The following PRC1 variants were observed in gnomAD, a reference collection of about 807,000 sequenced individuals.
PRC1 encodes anaphase spindle elongation 1 homolog.
PRC1 carries 54 observed loss-of-function variants against 91.2 expected under a neutral mutation model. The observed-to-expected ratio is 0.59, with a 90% CI of 0.48 to 0.74. The LOEUF (loss-of-function observed/expected upper bound fraction) is 0.74. PRC1 is among the 30% of genes least tolerant of loss of function. PRC1 has a pLI of 0.00. For missense variants in PRC1, 727 were observed against 746.2 expected (o/e 0.97, Z 0.30); for synonymous variants, 275 against 263.6 (o/e 1.04, Z -0.42).
intron 3 of PRC1, among the ~76,000 whole-genome samples, chr15:90,982,400 C>T (rs763860131): frequency 6.6e-6 from 1 of 152,194 alleles, no homozygotes; most frequent in Admixed American, 6.6e-5. Flanking sequence ...AACCACCATT[C>T]TACCTTTTGT....
At chr15:90,980,840 T>G in intron 6 of PRC1, 44 bp downstream of exon 6, 2 of 1,612,672 alleles carry the variant, frequency 1.2e-6, no homozygotes, top group Non-Finnish European at 1.7e-6. Flanking sequence ...AACACAGAAG[T>G]GCTAAGAGAA....
Position 90,979,242 on chromosome 15 carries a change from TA to T in PRC1, c.1022del (p.Leu341Ter). On this transcript the variant is annotated frameshift_variant, in exon 8 of 15. Coordinates refer to ENST00000394249, the MANE Select transcript of PRC1 (RefSeq NM_003981.4). LOFTEE classifies it high-confidence loss of function. ...LQLHDAEIVR[L>X]KNYYEVHKEL... is the part of the protein sequence containing the mutation. ...CCTTGTGAACTTCATAGTAGTTTTT[TA>T]ACCGCACAATCTCAGCATCGTGGAG... 6.2e-7 allele frequency: 1 copy of T among 1,614,250 alleles called. No homozygotes were observed. The highest frequency in any genetic ancestry group is 8.5e-7 in the Non-Finnish European group (1 of 1,180,036).
rs747595877 is a variant in PRC1, at chr15:90,974,571, A to T, written c.1350+14T>A. ...CTTCGTCTTTTCCCAATTTGCGTTC[A>T]CGTTCACACTTACTCTTTCCTGCTT... On this transcript the variant is annotated intron_variant, in intron 10 of 14. Coordinates refer to ENST00000394249, the MANE Select transcript of PRC1 (RefSeq NM_003981.4). This position sits in a 1 kb window ranked among gnomAD's most constrained non-coding sequence, Gnocchi z 4.6. 2 of 1,613,996 alleles carry T rather than the reference A, an allele frequency of 1.2e-6. No individual in the cohort carries two copies. Among genetic ancestry groups the T allele is most frequent in the Non-Finnish European group, 1.7e-6 (2 of 1,179,994 alleles).
At position 90,979,140 on chromosome 15, in the gene PRC1, C is replaced by A; in HGVS notation, c.1107+18G>T. On this transcript the variant is annotated intron_variant, in intron 8 of 14. Transcript: ENST00000394249. ...CATGCTTTCTTAACAGTTAAAAACA[C>A]AAAAACTAGGACAATACCTCAAACT... 1 of 1,607,246 alleles carries A rather than the reference C, an allele frequency of 6.2e-7. No homozygotes were observed. Among genetic ancestry groups the A allele is most frequent in the Admixed American group, 1.7e-5 (1 of 57,802 alleles).
Position 90,990,985 on chromosome 15 carries a change from G to C in PRC1, c.11+3422C>G, listed in dbSNP as rs538369759. Among the ~76,000 whole-genome samples the C allele has an allele frequency of 1.1e-4, 17 of 151,394 alleles. No homozygotes were observed. In the South Asian group the frequency reaches 3.3e-3, roughly 30 times the overall value. ...GTAGAGACGGGGTTTCACCATGTTG[G>C]TCAGGCTGGTCTCAAACTCCTGACC... On this transcript the variant is annotated intron_variant, in intron 1 of 14. Transcript: ENST00000394249.
At position 90,966,792 on chromosome 15, in the gene PRC1, T is replaced by C. The variant is rs2037531509; in HGVS notation, c.*339A>G. 1 of 435,092 alleles carries C rather than the reference T, an allele frequency of 2.3e-6. No individual in the cohort carries two copies. The highest frequency in any genetic ancestry group is 2.0e-5 in the South Asian group (1 of 50,338). The allele number at this position is 435,092 out of a possible 1,614,324, so 27.0% of individuals were successfully genotyped here. Reference sequence around the variant, plus strand: ...AAATTACCCCCAGGGATGGGCATAGTCAATCATTTTCCTACAGTGGTGAAA... The same window carrying C: ...AAATTACCCCCAGGGATGGGCATAGCCAATCATTTTCCTACAGTGGTGAAA... On this transcript the variant is annotated 3_prime_UTR_variant, in exon 15 of 15. Transcript: ENST00000394249.
At chr15:90,983,931 C>T in intron 3 of PRC1, 87 bp downstream of exon 3, 1 of 1,521,778 alleles carries the variant, frequency 6.6e-7, no homozygotes, top group Non-Finnish European at 8.9e-7. Context: ...TACGAGGAAG[C>T]CTTCCATCTG....
At chr15:90,991,855 C>G (rs774374882) in intron 1 of PRC1, among the ~76,000 whole-genome samples, 3 of 152,080 alleles carry the variant, frequency 2.0e-5, no homozygotes, top group Non-Finnish European at 2.9e-5. Flanking sequence ...ACACAGGAGC[C>G]CCAAGTCCTA....
At chr15:90,972,240 G>A (rs1195047938) in intron 11 of PRC1, among the ~76,000 whole-genome samples, 2 of 149,380 alleles carry the variant, frequency 1.3e-5, no homozygotes, top group Non-Finnish European at 3.0e-5. Flanking sequence ...AAAATTAGCC[G>A]GGTATGGTGG....
In PRC1 at chr15:90,969,763, CATATATATATATATATATATATATATAT is replaced by C. The variant is rs61067469; in HGVS notation, c.1573-168_1573-141del. On this transcript the variant is annotated intron_variant, in intron 12 of 14. Transcript: ENST00000394249. Reference sequence around the variant, plus strand: ...CTATACTTTTTAGTTAAAAAAAAAACATATATATATATATATATATATATATATATATATATATGGGGCTGGGTGTGGC... The same window carrying C: ...CTATACTTTTTAGTTAAAAAAAAAACATATATATATGGGGCTGGGTGTGGC... 1.9e-4 allele frequency: 25 copies of C among 130,874 alleles called. 3 individuals are homozygous for C. Among genetic ancestry groups the C allele is most frequent in the East Asian group, 2.8e-4 (3 of 10,632 alleles). The allele number at this position is 130,874 out of a possible 1,614,324, so 8.1% of individuals were successfully genotyped here.
chr15:90,983,488 C>T (rs930839770), intron 3 of PRC1, among the ~76,000 whole-genome samples: 2 of 152,170 alleles, frequency 1.3e-5, no homozygotes, highest in Admixed American at 6.5e-5. Context: ...CAGCTCCATA[C>T]CCAGATGGAT....
At chr15:90,973,922 G>C (rs1009669525) in intron 11 of PRC1, 1 of 492,416 alleles carries the variant, frequency 2.0e-6, no homozygotes, top group African/African-American at 2.0e-5. Context: ...TCAAGAGACC[G>C]GTGCTGGTGC....
At chr15:90,978,206 A>G (rs1387832116) in intron 8 of PRC1, among the ~76,000 whole-genome samples, 7 of 152,218 alleles carry the variant, frequency 4.6e-5, no homozygotes, top group African/African-American at 1.4e-4. Flanking sequence ...AAAAGGAATC[A>G]ATACCCATGC....
At position 90,966,476 on chromosome 15, in the gene PRC1, T is replaced by G; in HGVS notation, c.*655A>C. 1 of 400,396 alleles carries G rather than the reference T, an allele frequency of 2.5e-6. No individual in the cohort carries two copies. Among genetic ancestry groups the G allele is most frequent in the Non-Finnish European group, 5.2e-6 (1 of 192,688 alleles). 24.8% of individuals were successfully genotyped at this position (400,396 alleles called of 1,614,324 possible). A position where few individuals can be genotyped will look rare whatever the true frequency, so the allele number is the denominator to read the frequency against. On this transcript the variant is annotated 3_prime_UTR_variant, in exon 15 of 15. Transcript: ENST00000394249. ...CAAGGGACAAACGCCGAGAAAGCGT[T>G]CCGACAAGCATGTGTGTTCATACAT...
Position 90,969,504 on chromosome 15 carries a change from G to A in PRC1, c.1692C>T (p.Ala564=). 1 of 1,612,902 alleles carries A rather than the reference G, an allele frequency of 6.2e-7. No individual in the cohort carries two copies. The highest frequency in any genetic ancestry group is 8.5e-7 in the Non-Finnish European group (1 of 1,179,316). Reference sequence around the variant, plus strand: ...TAATGCTGAAGTTGCGCTGGAGGGGGGCCGAGCCAGGGTACCCACCACTCA... The same window carrying A: ...TAATGCTGAAGTTGCGCTGGAGGGGAGCCGAGCCAGGGTACCCACCACTCA... The part of the protein sequence containing the change: ...SILSGGYPGS[A]PLQRNFSINS... The change falls in exon 13 of 15, where the codon GCC becomes GCT. Residue 564 remains alanine (A), a synonymous_variant. Transcript: ENST00000394249.
intron 1 of PRC1, among the ~76,000 whole-genome samples, chr15:90,993,097 A>T (rs2151640825): frequency 6.6e-6 from 1 of 150,900 alleles, no homozygotes; most frequent in African/African-American, 2.4e-5. Context: ...AAAAAAAAAA[A>T]AAAGTTAATT....
In PRC1 at chr15:90,976,105, C is replaced by CT. The variant is rs376966031; in HGVS notation, c.1203+570dup. On this transcript the variant is annotated intron_variant, in intron 9 of 14. Transcript: ENST00000394249. Reference sequence around the variant, plus strand: ...TTTGTTTTTTTGTTTGTTTTTCTCTCTGAGATGGAGTCTCACTCTGTTGCC... The same window carrying CT: ...TTTGTTTTTTTGTTTGTTTTTCTCTCTTGAGATGGAGTCTCACTCTGTTGCC... 9.2e-5 allele frequency among the ~76,000 whole-genome samples: 14 copies of CT among 152,172 alleles called. 1 individual carries two copies. The highest frequency in any genetic ancestry group is 1.6e-4 in the Non-Finnish European group (11 of 67,992).
intron 1 of PRC1, among the ~76,000 whole-genome samples, chr15:90,990,613 TA>T (rs554367616): frequency 9.9e-5 from 15 of 152,048 alleles, no homozygotes; most frequent in African/African-American, 3.6e-4. Context: ...AAAGGGGTGA[TA>T]AAAATGTTCT....
rs1431813547 is a variant in PRC1, at chr15:90,984,035, G to A, written c.250C>T (p.His84Tyr). The A allele has an allele frequency of 1.9e-6, 3 of 1,613,978 alleles. No homozygotes were observed. The highest frequency in any genetic ancestry group is 1.7e-6 in the Non-Finnish European group (2 of 1,179,986). Residue 84 changes from histidine (H) to tyrosine (Y), a missense_variant, in exon 3 of 15, where the codon CAT becomes TAT. Coordinates refer to ENST00000394249, the MANE Select transcript of PRC1 (RefSeq NM_003981.4). This position sits in a 1 kb window ranked among gnomAD's most constrained non-coding sequence, Gnocchi z 5.1. ...KELNTLCSEL[H>Y]VEPFQEEGET... ...CCACGGACCTGAAATGGCTCAACAT[G>A]TAACTCGCTGCACAGAGTGTTCAGC...
Sources: gnomAD v4.1 joint callset for allele counts (sites outside exome capture counted in the v4.1 genomes callset) on GRCh38, gnomAD v4.1.1 for gene constraint, Gnocchi (gnomAD v3.1) non-coding constraint, MANE v1.5 for transcripts, NCBI Gene and HGNC (gene_info 2026-07-23, HGNC 2026-07-21) for gene names.